The following HTR2C variants were observed in gnomAD, a reference collection of about 807,000 sequenced individuals.
HTR2C encodes the protein 5-hydroxytryptamine receptor 2C, also known as 5-hydroxytryptamine (serotonin) receptor 2C, G protein-coupled.
Under a neutral mutation model 21.0 loss-of-function variants are expected in HTR2C, and 5 were observed. That is an observed-to-expected ratio of 0.24 (90% CI 0.12 to 0.50). The LOEUF (loss-of-function observed/expected upper bound fraction) is 0.50. Among genes scored for constraint, HTR2C ranks in the 20% least tolerant of loss-of-function variants. The probability of loss-of-function intolerance (pLI) is 0.98; values close to 1 mark genes in which losing one functional copy is unlikely to be tolerated. For synonymous variants in HTR2C, 150 were observed against 145.3 expected, an observed-to-expected ratio of 1.03 and a Z score of -0.23; for missense variants, 271 against 371.2, an observed-to-expected ratio of 0.73 and a Z score of 2.22.
rs1339635817 is a variant in HTR2C, at chrX:114,833,912, G to A, written c.350-14091G>A. Among the ~76,000 whole-genome samples the A allele has an allele frequency of 2.6e-4, 28 of 108,206 alleles. No individual in the cohort carries two copies. In the East Asian group the frequency reaches 3.3e-3, roughly 13 times the overall value. The allele number at this position is 108,206 out of a possible 115,157, so 94.0% of individuals were successfully genotyped here. ...TCTGGTATGTTGTGTCTTTGTTCTCGTTGGTTTCAAAGAACATCTTTATTT... is the reference window on the plus strand; with the variant it reads ...TCTGGTATGTTGTGTCTTTGTTCTCATTGGTTTCAAAGAACATCTTTATTT... On this transcript the variant is annotated intron_variant, in intron 4 of 5. Transcript: ENST00000276198.
intron 2 of HTR2C, among the ~76,000 whole-genome samples, chrX:114,647,431 T>A (rs1319235425): frequency 8.9e-6 from 1 of 111,911 alleles, no homozygotes; most frequent in African/African-American, 3.2e-5. Flanking sequence ...TTTTCCAGCA[T>A]GAAAAATGGT....
At chrX:114,820,738 C>A (rs1052582374) in intron 4 of HTR2C, among the ~76,000 whole-genome samples, 2 of 110,493 alleles carry the variant, frequency 1.8e-5, no homozygotes, top group Admixed American at 9.7e-5. Context: ...GTAAGAAGGG[C>A]CTTTTGCCTC....
chrX:114,740,803 C>G (rs2069637508), intron 4 of HTR2C, among the ~76,000 whole-genome samples: 2 of 111,175 alleles, frequency 1.8e-5, no homozygotes, highest in African/African-American at 3.3e-5. Flanking sequence ...TAAATAAACT[C>G]TAAATAGTAG....
At chrX:114,623,906 G>GTTTTTTTTTTTTTTTT (rs35930521) in intron 2 of HTR2C, among the ~76,000 whole-genome samples, 2 of 69,400 alleles carry the variant, frequency 2.9e-5, no homozygotes, top group Non-Finnish European at 5.0e-5. Flanking sequence ...TTTTGTTGTT[G>GTTTTTTTTTTTTTTTT]TTTTTTTTTT....
At chrX:114,807,562 A>C (rs1289114634) in intron 4 of HTR2C, among the ~76,000 whole-genome samples, 1 of 107,226 alleles carries the variant, frequency 9.3e-6, no homozygotes, top group African/African-American at 3.4e-5. Context: ...TTTGATACAG[A>C]CATACAATGG....
At chrX:114,749,728 C>CA (rs2069743636) in intron 4 of HTR2C, among the ~76,000 whole-genome samples, 1 of 110,062 alleles carries the variant, frequency 9.1e-6, no homozygotes, top group Non-Finnish European at 1.9e-5. Context: ...AAAACAAAAA[C>CA]AAAAAAAGCA....
At chrX:114,706,616 C>T (rs375583224) in intron 2 of HTR2C, among the ~76,000 whole-genome samples, 1 of 99,340 alleles carries the variant, frequency 1.0e-5, no homozygotes, top group Admixed American at 1.1e-4. Context: ...TGCTAAATGA[C>T]GAGTTAATGG....
intron 2 of HTR2C, among the ~76,000 whole-genome samples, chrX:114,680,166 T>G (rs1931699013): frequency 1.8e-5 from 2 of 112,171 alleles, no homozygotes; most frequent in Admixed American, 9.5e-5. Context: ...CTAATACCCA[T>G]GAAGTTTCTT....
At chrX:114,883,924 A>T (rs1163430036) in intron 5 of HTR2C, among the ~76,000 whole-genome samples, 1 of 110,108 alleles carries the variant, frequency 9.1e-6, no homozygotes, top group African/African-American at 3.3e-5. Flanking sequence ...TTGAACCAGC[A>T]TCTATTCAAA....
chrX:114,881,710 A>G (rs1019103070), intron 5 of HTR2C, among the ~76,000 whole-genome samples: 3 of 110,512 alleles, frequency 2.7e-5, no homozygotes, highest in Non-Finnish European at 5.7e-5. Context: ...GTCTATATAT[A>G]TGTCAGTACC....
intron 2 of HTR2C, among the ~76,000 whole-genome samples, chrX:114,694,242 T>C (rs1312633518): frequency 9.0e-6 from 1 of 110,655 alleles, no homozygotes; most frequent in Non-Finnish European, 1.9e-5. Flanking sequence ...TTTTATTCCA[T>C]AAATTTTTTC....
At chrX:114,905,911 A>G (rs1234353663) in intron 5 of HTR2C, among the ~76,000 whole-genome samples, 1 of 111,412 alleles carries the variant, frequency 9.0e-6, no homozygotes, top group Non-Finnish European at 1.9e-5. Flanking sequence ...AATTCCACAC[A>G]GAAACTGGAG....
intron 1 of HTR2C, among the ~76,000 whole-genome samples, 174 bp downstream of exon 1, chrX:114,584,833 C>T (rs1282502773): frequency 9.1e-6 from 1 of 109,851 alleles, no homozygotes. Context: ...GACTGAGTCT[C>T]TGGAAGAAGA....
At chrX:114,860,089 G>A (rs1325044037) in intron 5 of HTR2C, among the ~76,000 whole-genome samples, 3 of 111,191 alleles carry the variant, frequency 2.7e-5, no homozygotes, top group African/African-American at 9.8e-5. Context: ...GGTTTACAGT[G>A]ATAAATGTTC....
At chrX:114,596,630 G>A (rs1471159723) in intron 1 of HTR2C, among the ~76,000 whole-genome samples, 2 of 111,308 alleles carry the variant, frequency 1.8e-5, no homozygotes, top group African/African-American at 6.5e-5. Context: ...TCTTTGGGGG[G>A]TGATCCCAAA....
At chrX:114,695,704 C>A (rs1556415795) in intron 2 of HTR2C, among the ~76,000 whole-genome samples, 1 of 111,330 alleles carries the variant, frequency 9.0e-6, no homozygotes, top group African/African-American at 3.3e-5. Flanking sequence ...TGGGAACCAC[C>A]AACACTGTGC....
chrX:114,897,402 T>C (rs868936735), intron 5 of HTR2C, among the ~76,000 whole-genome samples: 2 of 111,743 alleles, frequency 1.8e-5, no homozygotes, highest in Non-Finnish European at 3.8e-5. Context: ...AATCTTTTTT[T>C]TTTTCCAAAT....
intron 4 of HTR2C, among the ~76,000 whole-genome samples, chrX:114,778,260 C>T (rs1367219066): frequency 1.8e-5 from 2 of 111,180 alleles, no homozygotes; most frequent in African/African-American, 6.5e-5. Context: ...TTTAAATGAC[C>T]TCTTATTTCT....
intron 4 of HTR2C, among the ~76,000 whole-genome samples, chrX:114,839,684 C>G (rs782179274): frequency 6.2e-4 from 65 of 105,247 alleles, no homozygotes; most frequent in Non-Finnish European, 1.3e-4. Flanking sequence ...CAGATCCTGT[C>G]TCAAAAACAA....
Sources: gnomAD v4.1 joint callset for allele counts (sites outside exome capture counted in the v4.1 genomes callset) on GRCh38, gnomAD v4.1.1 for gene constraint, MANE v1.5 for transcripts, NCBI Gene and HGNC (gene_info 2026-07-23, HGNC 2026-07-21) for gene names.